The following P2RX5 variants were observed in gnomAD, a reference collection of about 807,000 sequenced individuals.
The protein encoded by P2RX5 is purinergic receptor P2X 5, also known as P2X purinoceptor 5.
P2RX5 carries 46 observed loss-of-function variants against 54.1 expected under a neutral mutation model. That is an observed-to-expected ratio of 0.85 (90% CI 0.67 to 1.09). The LOEUF is 1.09. P2RX5 is among the 50% of genes least tolerant of loss of function. The probability of loss-of-function intolerance (pLI) is 0.00; values close to 1 mark genes in which losing one functional copy is unlikely to be tolerated. For missense variants in P2RX5, 566 were observed against 549.8 expected (o/e 1.03, Z -0.29); for synonymous variants, 226 against 226.4 (o/e 1.00, Z 0.02).
Position 3,690,036 on chromosome 17 carries a change from C to A in P2RX5, c.614+34G>T. 4 of 1,595,620 alleles carry A rather than the reference C, an allele frequency of 2.5e-6. No homozygotes were observed. The South Asian group carries it at 4.4e-5, about 18-fold the overall frequency. On this transcript the variant is annotated intron_variant, in intron 6 of 11. Transcript: ENST00000225328. ...GCCAAGGCCCCTCATCGACCAAGGC[C>A]CACCCGTGGCCCCCAGTAGCCAAGC...
chr17:3,716,947 T>G, the P2RX5 span: 1 of 583,946 alleles, frequency 1.7e-6, no homozygotes, highest in East Asian at 2.9e-5. Context: ...AAGCTAGATA[T>G]TCCCTGATGC....
chr17:3,677,091 C>T, intron 11 of P2RX5: 2 of 985,292 alleles, frequency 2.0e-6, no homozygotes, highest in Non-Finnish European at 2.4e-6. Flanking sequence ...AAGCAAGGCC[C>T]TACAGCGATG....
chr17:3,708,408 C>T, the P2RX5 span, among the ~76,000 whole-genome samples: 1 of 151,368 alleles, frequency 6.6e-6, no homozygotes, highest in African/African-American at 2.4e-5. Context: ...TGAGAAAATA[C>T]CAGGGTCATG....
At position 3,679,926 on chromosome 17, in the gene P2RX5, C is replaced by T. The variant is rs1294780253; in HGVS notation, c.1065-142G>A. 4.1e-6 allele frequency: 3 copies of T among 727,126 alleles called. No homozygotes were observed. In the African/African-American group the frequency reaches 5.2e-5, roughly 13 times the overall value. The allele number at this position is 727,126 out of a possible 1,614,324, so 45.0% of individuals were successfully genotyped here. ...CAGCCGGTGTCCTCCACCCTGCTTC[C>T]TCCATGCGGCTCCCTCCACCCTGCA... On this transcript the variant is annotated intron_variant, in intron 10 of 11. Coordinates refer to ENST00000225328, the MANE Select transcript of P2RX5 (RefSeq NM_002561.4).
upstream of P2RX5, among the ~76,000 whole-genome samples, chr17:3,699,052 G>GACAGACACACAC (rs1555571232): frequency 7.3e-5 from 3 of 40,846 alleles, no homozygotes; most frequent in Admixed American, 3.1e-4. Flanking sequence ...TATATAGACA[G>GACAGACACACAC]ACACACACAC....
chr17:3,711,995 CAGTA>C, the P2RX5 span, among the ~76,000 whole-genome samples: 2 of 91,498 alleles, frequency 2.2e-5, no homozygotes, highest in Non-Finnish European at 4.6e-5. Flanking sequence ...CAGCACGACT[CAGTA>C]AGTCAATAAC....
At chr17:3,706,407 C>T in the P2RX5 span, among the ~76,000 whole-genome samples, 1 of 152,064 alleles carries the variant, frequency 6.6e-6, no homozygotes, top group African/African-American at 2.4e-5. Flanking sequence ...TAGAAGATTT[C>T]AACAGACGTA....
chr17:3,694,727 G>A (rs988980963), intron 1 of P2RX5, among the ~76,000 whole-genome samples: 1 of 152,188 alleles, frequency 6.6e-6, no homozygotes, highest in South Asian at 2.1e-4. Flanking sequence ...TCATTCATGC[G>A]TTCATTTCAC....
the P2RX5 span, among the ~76,000 whole-genome samples, chr17:3,711,179 TCTC>T: frequency 6.6e-6 from 1 of 152,136 alleles, no homozygotes; most frequent in South Asian, 2.1e-4. Context: ...TGCTTTCTGT[TCTC>T]CTTTGCCCTG....
At chr17:3,692,640 G>A (rs1260750754) in intron 1 of P2RX5, among the ~76,000 whole-genome samples, 1 of 151,930 alleles carries the variant, frequency 6.6e-6, no homozygotes, top group African/African-American at 2.4e-5. Context: ...CCAGGAGTTT[G>A]AGACCAGCCG....
At chr17:3,695,171 C>T (rs901075397) in intron 1 of P2RX5, among the ~76,000 whole-genome samples, 4 of 152,180 alleles carry the variant, frequency 2.6e-5, no homozygotes, top group African/African-American at 4.8e-5. Flanking sequence ...TGCTCACCCC[C>T]GACCCACCCC....
At chr17:3,717,306 CA>C in the P2RX5 span, 1 of 154,034 alleles carries the variant, frequency 6.5e-6, no homozygotes, top group East Asian at 1.9e-4. Context: ...TAAAATATGA[CA>C]AAAGTACTGG....
the P2RX5 span, chr17:3,715,023 T>A: frequency 3.9e-6 from 3 of 766,482 alleles, no homozygotes; most frequent in Non-Finnish European, 6.8e-6. Context: ...GGCTGTTGCC[T>A]AAATAGCCCC....
At chr17:3,723,801 T>C in the P2RX5 span, 3 of 1,592,214 alleles carry the variant, frequency 1.9e-6, no homozygotes, top group East Asian at 4.5e-5. Context: ...CAGTTTTCCG[T>C]CCCGTCCCGG....
intron 8 of P2RX5, 37 bp from the exon 9 acceptor site, chr17:3,688,142 C>A (rs1327757047): frequency 1.8e-6 from 2 of 1,123,376 alleles, no homozygotes; most frequent in South Asian, 1.3e-5. Context: ...CCTCAGCCTG[C>A]CTGGCCTTCC....
At chr17:3,684,390 G>A (rs1372780633) in intron 9 of P2RX5, among the ~76,000 whole-genome samples, 1 of 152,252 alleles carries the variant, frequency 6.6e-6, no homozygotes, top group African/African-American at 2.4e-5. Flanking sequence ...GATTGCCTGA[G>A]CCCAGGGGTT....
chr17:3,723,733 C>G, the P2RX5 span: 1 of 1,606,990 alleles, frequency 6.2e-7, no homozygotes, highest in Non-Finnish European at 8.5e-7. Flanking sequence ...TCCAGGTGCA[C>G]ACCGTGGAGG....
intron 4 of P2RX5, 34 bp downstream of exon 4, chr17:3,690,571 C>T (rs761394987): frequency 2.0e-5 from 33 of 1,612,358 alleles, no homozygotes; most frequent in African/African-American, 2.7e-5. Context: ...CACTCCGAGT[C>T]CTCCTTCAGC....
upstream of P2RX5, among the ~76,000 whole-genome samples, chr17:3,700,533 G>GA (rs35207117): frequency 3.5e-3 from 477 of 135,802 alleles, no homozygotes; most frequent in Non-Finnish European, 4.7e-3. Flanking sequence ...ACTCTGGCTC[G>GA]AAAAAAAAAA....
Sources: allele counts gnomAD v4.1 joint callset (sites outside exome capture counted in the v4.1 genomes callset), GRCh38; gene constraint gnomAD v4.1.1; transcripts MANE v1.5; gene names NCBI Gene and HGNC (gene_info 2026-07-23, HGNC 2026-07-21).